SLC4A10: variants seen among roughly 807,000 people sequenced by gnomAD.
SLC4A10 encodes the protein sodium-driven chloride bicarbonate exchanger.
A neutral mutation model predicts 137.7 loss-of-function variants in SLC4A10; 42 were observed. The ratio of observed to expected loss-of-function variants is 0.30; its 90% CI spans 0.24 to 0.39. SLC4A10 has a LOEUF of 0.39. SLC4A10 is among the 10% of genes least tolerant of loss of function. The pLI is 1.00. For synonymous variants in SLC4A10, 474 were observed against 464.1 expected, an observed-to-expected ratio of 1.02 and a Z score of -0.27; for missense variants, 925 against 1,355.0, an observed-to-expected ratio of 0.68 and a Z score of 4.98.
intron 6 of SLC4A10, among the ~76,000 whole-genome samples, chr2:161,870,484 T>A (rs2061051540): frequency 6.6e-6 from 1 of 151,834 alleles, no homozygotes; most frequent in Non-Finnish European, 1.5e-5. Context: ...TTATTTAATT[T>A]ATCCATGACT....
intron 5 of SLC4A10, among the ~76,000 whole-genome samples, chr2:161,859,460 T>G (rs1245168350): frequency 6.6e-6 from 1 of 151,454 alleles, no homozygotes; most frequent in African/African-American, 2.4e-5. Flanking sequence ...CCAGCTAATT[T>G]TTTTGTATTT....
At chr2:161,778,413 G>A (rs2052632086) in intron 2 of SLC4A10, among the ~76,000 whole-genome samples, 1 of 151,870 alleles carries the variant, frequency 6.6e-6, no homozygotes, top group East Asian at 1.9e-4. Flanking sequence ...TAAACTCATT[G>A]AGGGACAAAT....
chr2:161,751,624 A>G (rs965876672), intron 1 of SLC4A10, among the ~76,000 whole-genome samples: 1 of 151,746 alleles, frequency 6.6e-6, no homozygotes, highest in Non-Finnish European at 1.5e-5. Context: ...GGGAGGAGGG[A>G]AAGTCATAGA....
intron 1 of SLC4A10, among the ~76,000 whole-genome samples, chr2:161,666,122 C>A (rs185058427): frequency 1.3e-5 from 2 of 151,120 alleles, no homozygotes; most frequent in African/African-American, 4.8e-5. Flanking sequence ...AAAAAAAGGA[C>A]AGGTATCATA....
chr2:161,790,495 CT>C, intron 2 of SLC4A10, among the ~76,000 whole-genome samples: 1 of 152,098 alleles, frequency 6.6e-6, no homozygotes, highest in African/African-American at 2.4e-5. Context: ...TGGAGCAATT[CT>C]AAGGGTGTTT....
intron 1 of SLC4A10, among the ~76,000 whole-genome samples, chr2:161,700,661 T>TTAATTTCCTC (rs1320908038): frequency 6.6e-6 from 1 of 152,144 alleles, no homozygotes; most frequent in Non-Finnish European, 1.5e-5. Flanking sequence ...ATATTAACTG[T>TTAATTTCCTC]ATTTTACAGA....
rs55983659 is a variant in SLC4A10 at position 161,856,358 on chromosome 2, A to AACACACACAC, written c.577+1259_577+1268dup. Among the ~76,000 whole-genome samples the AACACACACAC allele has an allele frequency of 7.1e-3, 1,006 of 141,908 alleles. 6 individuals carry two copies. Among genetic ancestry groups the AACACACACAC allele is most frequent in the African/African-American group, 0.016 (594 of 38,250 alleles). 93.1% of individuals were successfully genotyped at this position (141,908 alleles called of 152,430 possible). On this transcript the variant is annotated intron_variant, in intron 5 of 26. Coordinates refer to ENST00000446997, the MANE Select transcript of SLC4A10 (RefSeq NM_001178015.2). Reference sequence around the variant, plus strand: ...TAAGCAAAAACTCCAAAAATACTAAAACACACACACACACACACACACACA... The same window carrying AACACACACAC: ...TAAGCAAAAACTCCAAAAATACTAAAACACACACACACACACACACACACACACACACACA...
At chr2:161,780,654 A>AT (rs1267725121) in intron 2 of SLC4A10, among the ~76,000 whole-genome samples, 3 of 152,016 alleles carry the variant, frequency 2.0e-5, no homozygotes, top group African/African-American at 7.2e-5. Flanking sequence ...TAAATCAATG[A>AT]TTTTTTAAAA....
At chr2:161,783,668 G>A (rs961376439) in intron 2 of SLC4A10, among the ~76,000 whole-genome samples, 2 of 151,756 alleles carry the variant, frequency 1.3e-5, no homozygotes, top group African/African-American at 2.4e-5. Flanking sequence ...GCATATTTTT[G>A]TATGTCATTG....
intron 1 of SLC4A10, among the ~76,000 whole-genome samples, chr2:161,758,235 T>C (rs933135698): frequency 6.6e-6 from 1 of 152,120 alleles, no homozygotes; most frequent in African/African-American, 2.4e-5. Flanking sequence ...TAAATAATCA[T>C]TGAGGTTAAA....
rs899870875 is a variant in SLC4A10, at chr2:161,839,914, C to T, written c.403C>T (p.Arg135Ter). The T allele has an allele frequency of 1.9e-6, 3 of 1,613,522 alleles. No homozygotes were observed. The highest frequency in any genetic ancestry group is 2.5e-6 in the Non-Finnish European group (3 of 1,179,650). ...GCGTGAAGGTGAGGACGCTGAGTGG[C>T]GAGAAACAGCCAGGTGAGGATTTTT... ...CWREGEDAEW[R>*]ETARWLKFEE... Residue 135 changes from arginine to a stop codon, truncating the protein, a stop_gained, in exon 4 of 27, where the codon CGA becomes TGA. Coordinates refer to ENST00000446997, the MANE Select transcript of SLC4A10 (RefSeq NM_001178015.2). LOFTEE classifies it high-confidence loss of function.
chr2:161,757,652 G>A (rs565855712), intron 1 of SLC4A10, among the ~76,000 whole-genome samples: 55 of 152,208 alleles, frequency 3.6e-4, no homozygotes, highest in African/African-American at 1.3e-3. Context: ...AACCTTGGCG[G>A]TCTGGTTTCA....
intron 3 of SLC4A10, among the ~76,000 whole-genome samples, chr2:161,837,601 G>A (rs2058898642): frequency 1.3e-5 from 2 of 152,090 alleles, no homozygotes; most frequent in South Asian, 2.1e-4. Context: ...GTTCTAAAAT[G>A]TATATCAAAA....
chr2:161,788,554 G>A (rs189940141), intron 2 of SLC4A10, among the ~76,000 whole-genome samples: 5 of 152,110 alleles, frequency 3.3e-5, no homozygotes, highest in Admixed American at 1.3e-4. Context: ...AATGTGATCC[G>A]TTTTCCTATC....
chr2:161,906,060 C>T (rs1333661425), intron 15 of SLC4A10, among the ~76,000 whole-genome samples, 173 bp downstream of exon 15: 1 of 152,184 alleles, frequency 6.6e-6, no homozygotes, highest in Non-Finnish European at 1.5e-5. Flanking sequence ...ATCGGCCACT[C>T]ATCTGCTACT....
chr2:161,874,058 G>A, intron 8 of SLC4A10, 53 bp downstream of exon 8: 3 of 1,491,612 alleles, frequency 2.0e-6, no homozygotes, highest in Non-Finnish European at 2.7e-6. Context: ...TCATTTCACT[G>A]TATGGAGGCA....
At chr2:161,687,468 C>T (rs376768290) in intron 1 of SLC4A10, among the ~76,000 whole-genome samples, 41 of 152,012 alleles carry the variant, frequency 2.7e-4, no homozygotes, top group Non-Finnish European at 4.7e-4. Flanking sequence ...ACAATCACAG[C>T]GTAATTCAGC....
At chr2:161,638,509 G>A (rs1022451589) in intron 1 of SLC4A10, among the ~76,000 whole-genome samples, 9 of 152,086 alleles carry the variant, frequency 5.9e-5, no homozygotes, top group Non-Finnish European at 1.3e-4. Flanking sequence ...CCAGCACCAT[G>A]ATAGTTTGGT....
At chr2:161,684,611 A>G (rs1302474114) in intron 1 of SLC4A10, among the ~76,000 whole-genome samples, 1 of 152,210 alleles carries the variant, frequency 6.6e-6, no homozygotes, top group Non-Finnish European at 1.5e-5. Context: ...TACCTTGGGC[A>G]AGGTACTTAA....
Sources: gnomAD v4.1 joint callset for allele counts (sites outside exome capture counted in the v4.1 genomes callset) on GRCh38, gnomAD v4.1.1 for gene constraint, MANE v1.5 for transcripts, NCBI Gene and HGNC (gene_info 2026-07-23, HGNC 2026-07-21) for gene names.